The following PANK1 variants were observed in gnomAD, a reference collection of about 807,000 sequenced individuals.
The protein encoded by PANK1 is pantothenic acid kinase 1.
PANK1 carries 18 observed loss-of-function variants against 40.1 expected under a neutral mutation model. That is an observed-to-expected ratio of 0.45 (90% CI 0.31 to 0.67). The LOEUF is 0.67. Among genes scored for constraint, PANK1 ranks in the 30% least tolerant of loss-of-function variants. The pLI is 0.06. For missense variants in PANK1, 457 were observed against 599.6 expected (o/e 0.76, Z 2.48); for synonymous variants, 242 against 237.7 (o/e 1.02, Z -0.17).
chr10:89,645,148 A>G lies in PANK1; in HGVS notation c.-257T>C. 6.6e-7 allele frequency: 1 copy of G among 1,519,316 alleles called. No homozygotes were observed. Among genetic ancestry groups the G allele is most frequent in the Non-Finnish European group, 8.8e-7 (1 of 1,137,114 alleles). 94.1% of individuals were successfully genotyped at this position (1,519,316 alleles called of 1,614,324 possible). On this transcript the variant is annotated 5_prime_UTR_variant, in exon 1 of 7. Transcript: ENST00000307534. The stretch of plus-strand genomic sequence containing the variant: ...GCCAGCCCCGGGCGCGGAATCGGGG[A>G]TCCCCGCGCACCCCCAGCCGGGGCT...
chr10:89,603,785 T>C (rs904816459), intron 2 of PANK1, among the ~76,000 whole-genome samples: 4 of 152,166 alleles, frequency 2.6e-5, no homozygotes, highest in African/African-American at 9.7e-5. Context: ...CAACCCCAGA[T>C]AGCTTTTTCC....
At chr10:89,634,626 A>C (rs1008390817) in intron 1 of PANK1, among the ~76,000 whole-genome samples, 1 of 152,222 alleles carries the variant, frequency 6.6e-6, no homozygotes, top group African/African-American at 2.4e-5. Context: ...TGTTCAATTC[A>C]TGTGGCTTTT....
At chr10:89,611,428 C>T (rs944573865) in intron 2 of PANK1, among the ~76,000 whole-genome samples, 1 of 152,178 alleles carries the variant, frequency 6.6e-6, no homozygotes, top group Non-Finnish European at 1.5e-5. Context: ...TATTACCCAG[C>T]AATAATTGTA....
chr10:89,642,092 T>C (rs11185825), intron 1 of PANK1, among the ~76,000 whole-genome samples: 32,871 of 152,126 alleles, frequency 0.22, 3,778 homozygotes, highest in South Asian at 0.3. Context: ...GATGGCACTT[T>C]AGATGAAAAG....
intron 5 of PANK1, among the ~76,000 whole-genome samples, chr10:89,589,696 G>A (rs533569263): frequency 7.9e-5 from 12 of 151,884 alleles, no homozygotes; most frequent in African/African-American, 2.7e-4. Flanking sequence ...AACAATGAAT[G>A]TTCATTAACC....
intron 5 of PANK1, among the ~76,000 whole-genome samples, chr10:89,589,203 T>C (rs993257946): frequency 2.0e-5 from 3 of 152,170 alleles, no homozygotes; most frequent in Admixed American, 2.0e-4. Context: ...TTTATTTGTG[T>C]AATGAATAAT....
chr10:89,645,174 C>A lies in PANK1; in HGVS notation c.-283G>T, dbSNP rs762957863. 15 of 1,561,354 alleles carry A rather than the reference C, an allele frequency of 9.6e-6. No individual in the cohort carries two copies. Among genetic ancestry groups the A allele is most frequent in the Non-Finnish European group, 1.2e-5 (14 of 1,157,280 alleles). On this transcript the variant is annotated 5_prime_UTR_variant, in exon 1 of 7. Coordinates refer to ENST00000307534, the MANE Select transcript of PANK1 (RefSeq NM_148977.3). ...TCCCCGCGCACCCCCAGCCGGGGCTCCCGCCGCCCGCCTTCCCCTGATCCC... is the reference window on the plus strand; with the variant it reads ...TCCCCGCGCACCCCCAGCCGGGGCTACCGCCGCCCGCCTTCCCCTGATCCC...
chr10:89,618,083 G>C (rs1022034120), intron 1 of PANK1, among the ~76,000 whole-genome samples: 11 of 152,192 alleles, frequency 7.2e-5, no homozygotes, highest in Admixed American at 3.3e-4. Flanking sequence ...GTGGAGCCAA[G>C]GGCTGAAGAG....
chr10:89,644,477 C>T (rs1842054307), intron 1 of PANK1, 123 bp downstream of exon 1: 2 of 817,242 alleles, frequency 2.4e-6, no homozygotes, highest in Non-Finnish European at 3.7e-6. Flanking sequence ...TCTGTGCAGT[C>T]CCTCGACCGC....
Position 89,583,398 on chromosome 10 carries a change from T to C in PANK1, c.*1008A>G, listed in dbSNP as rs1425366465. On this transcript the variant is annotated 3_prime_UTR_variant, in exon 7 of 7. Transcript: ENST00000307534. Reference sequence around the variant, plus strand: ...GTTACAAAGTTCCTAGATATATACATGTACAAAACAAATAGATATTACTAT... The same window carrying C: ...GTTACAAAGTTCCTAGATATATACACGTACAAAACAAATAGATATTACTAT... The C allele has an allele frequency of 6.6e-6, 1 of 152,208 alleles. No homozygotes were observed. Among genetic ancestry groups the C allele is most frequent in the East Asian group, 1.9e-4 (1 of 5,206 alleles). 9.4% of individuals were successfully genotyped at this position (152,208 alleles called of 1,614,324 possible).
Position 89,593,902 on chromosome 10 carries a change from G to A in PANK1, c.987C>T (p.Gly329=), listed in dbSNP as rs747252138. 6.8e-6 allele frequency: 11 copies of A among 1,613,178 alleles called. No individual in the cohort carries two copies. The highest frequency in any genetic ancestry group is 1.1e-5 in the South Asian group (1 of 91,048). Residue 329 remains glycine (G), a synonymous_variant, in exon 4 of 7, where the codon GGC becomes GGT. Transcript: ENST00000307534. ...FEEALEMAAK[G]DSTNVDKLVK... ...CCAGTTTATCAACATTGGTGCTGTC[G>A]CCTTTAGCTGCCATTTCCAGAGCTT...
Position 89,644,555 on chromosome 10 carries a change from G to T in PANK1, c.292+45C>A, listed in dbSNP as rs551352895. The stretch of plus-strand genomic sequence containing the variant: ...CCGCTCCCAGTCCCGGGCCCCGCAC[G>T]CTGCGTCTGCCTTGCGCCCGCGCTC... On this transcript the variant is annotated intron_variant, in intron 1 of 6. Transcript: ENST00000307534. The T allele has an allele frequency of 9.8e-6, 15 of 1,534,058 alleles. No homozygotes were observed. The African/African-American group carries it at 1.4e-4, about 14-fold the overall frequency.
chr10:89,644,801 G>A lies in PANK1; in HGVS notation c.91C>T (p.Leu31=). ...GTSAAAVNGL[L]HNGFHPPPVQ... ...GGCGGCGGATGGAAGCCGTTGTGCA[G>A]CAGCCCGTTCACAGCGGCGGCGCTG... The change falls in exon 1 of 7, where the codon CTG becomes TTG. Residue 31 remains leucine (L), a synonymous_variant. Coordinates refer to ENST00000307534, the MANE Select transcript of PANK1 (RefSeq NM_148977.3). The A allele has an allele frequency of 6.8e-7, 1 of 1,475,278 alleles. No homozygotes were observed. The highest frequency in any genetic ancestry group is 2.7e-5 in the East Asian group (1 of 36,582). 91.4% of individuals were successfully genotyped at this position (1,475,278 alleles called of 1,614,324 possible).
intron 1 of PANK1, among the ~76,000 whole-genome samples, chr10:89,637,102 C>G (rs547502958): frequency 6.6e-6 from 1 of 152,036 alleles, no homozygotes; most frequent in South Asian, 2.1e-4. Context: ...TTCTGATCCA[C>G]CAGCCTCGGC....
At chr10:89,639,881 C>A (rs1311979760) in intron 1 of PANK1, among the ~76,000 whole-genome samples, 2 of 152,210 alleles carry the variant, frequency 1.3e-5, no homozygotes, top group Non-Finnish European at 2.9e-5. Context: ...ATGTTGGCCA[C>A]TGTTACCTCC....
At position 89,644,738 on chromosome 10, in the gene PANK1, C is replaced by A. The variant is rs765245947; in HGVS notation, c.154G>T (p.Gly52Cys). ...CGCTGGGGCGCCGCGTCGCTGCCGC[C>A]CACTGGACCCCGGCTGCAGACGTGC... ...PPHVCSRGPV[G>C]GSDAAPQRLP... Residue 52 changes from glycine (G) to cysteine (C), a missense_variant, in exon 1 of 7, where the codon GGC becomes TGC. Gly to Cys is a radical substitution (Grantham distance 159). Coordinates refer to ENST00000307534, the MANE Select transcript of PANK1 (RefSeq NM_148977.3). 5 of 1,524,032 alleles carry A rather than the reference C, an allele frequency of 3.3e-6. No homozygotes were observed. In the South Asian group the frequency reaches 6.0e-5, roughly 18 times the overall value. The allele number at this position is 1,524,032 out of a possible 1,614,324, so 94.4% of individuals were successfully genotyped here.
chr10:89,636,771 T>G (rs1356112550), intron 1 of PANK1, among the ~76,000 whole-genome samples: 3 of 150,560 alleles, frequency 2.0e-5, no homozygotes, highest in Non-Finnish European at 4.4e-5. Context: ...AGTCGTGTAC[T>G]CTGCATGTCT....
intron 1 of PANK1, 80 bp downstream of exon 1, chr10:89,644,520 C>G (rs1390791545): frequency 7.7e-7 from 1 of 1,294,642 alleles, no homozygotes; most frequent in Non-Finnish European, 1.0e-6. Flanking sequence ...TGCTGCGGCG[C>G]CTGCCTCAGC....
intron 3 of PANK1, 105 bp downstream of exon 3, chr10:89,599,147 C>G (rs1356632023): frequency 9.0e-7 from 1 of 1,110,074 alleles, no homozygotes; most frequent in Non-Finnish European, 1.3e-6. Context: ...GCCAAGGAGG[C>G]CAAGATATTT....
Sources: allele counts gnomAD v4.1 joint callset (sites outside exome capture counted in the v4.1 genomes callset), GRCh38; gene constraint gnomAD v4.1.1; transcripts MANE v1.5; gene names NCBI Gene and HGNC (gene_info 2026-07-23, HGNC 2026-07-21).